The following TRPS1 variants were observed in gnomAD, a reference collection of about 807,000 sequenced individuals.
The protein encoded by TRPS1 is transcriptional repressor GATA binding 1.
In TRPS1, 6 loss-of-function variants were observed where a neutral mutation model predicts 101.2. That is an observed-to-expected ratio of 0.06 (90% CI 0.03 to 0.12). The LOEUF (loss-of-function observed/expected upper bound fraction) is 0.12. Among genes scored for constraint, TRPS1 ranks in the 10% least tolerant of loss-of-function variants. The pLI is 1.00. For synonymous variants in TRPS1, 578 were observed against 589.8 expected, an observed-to-expected ratio of 0.98 and a Z score of 0.29; for missense variants, 1,363 against 1,567.0, an observed-to-expected ratio of 0.87 and a Z score of 2.20.
At chr8:115,440,328 G>A (rs1377056516) in intron 5 of TRPS1, among the ~76,000 whole-genome samples, 1 of 152,202 alleles carries the variant, frequency 6.6e-6, no homozygotes, top group Non-Finnish European at 1.5e-5. Flanking sequence ...ACGCCAATAG[G>A]AAGACCGACT....
chr8:115,515,709 C>A (rs1287760795), intron 5 of TRPS1, among the ~76,000 whole-genome samples: 9 of 151,394 alleles, frequency 5.9e-5, no homozygotes, highest in Admixed American at 2.6e-4. Context: ...ATATGCATAA[C>A]TTAAGACCCA....
At chr8:115,436,783 T>C (rs1813464898) in intron 5 of TRPS1, among the ~76,000 whole-genome samples, 1 of 152,122 alleles carries the variant, frequency 6.6e-6, no homozygotes, top group African/African-American at 2.4e-5. Context: ...AGCTCCCAGT[T>C]TGAGTAACAA....
At chr8:115,476,041 C>T (rs1415991474) in intron 5 of TRPS1, among the ~76,000 whole-genome samples, 2 of 10,828 alleles carry the variant, frequency 1.8e-4, no homozygotes, top group East Asian at 0.014. Context: ...TTTTTTGAGA[C>T]GGAGTCTCGC....
chr8:115,549,844 C>A (rs947224992), intron 5 of TRPS1, among the ~76,000 whole-genome samples: 4 of 152,110 alleles, frequency 2.6e-5, no homozygotes, highest in African/African-American at 4.8e-5. Flanking sequence ...ATGGGCAATG[C>A]TGTCCTAGTA....
chr8:115,520,662 G>T (rs1306753114), intron 5 of TRPS1, among the ~76,000 whole-genome samples: 3 of 151,618 alleles, frequency 2.0e-5, no homozygotes, highest in African/African-American at 7.3e-5. Context: ...GCTCACAAAA[G>T]GATTATTTAA....
At chr8:115,585,409 G>A (rs982115909) in intron 5 of TRPS1, among the ~76,000 whole-genome samples, 4 of 152,050 alleles carry the variant, frequency 2.6e-5, no homozygotes, top group East Asian at 1.9e-4. Context: ...ACAATATGGT[G>A]TCAAATGAAG....
At chr8:115,620,207 A>C in intron 2 of TRPS1, 147 bp from the exon 3 acceptor site, 1 of 763,934 alleles carries the variant, frequency 1.3e-6, no homozygotes. Context: ...CCATTCTAAA[A>C]ACAGCAAAAA....
At chr8:115,653,650 A>T (rs1811612999) in intron 1 of TRPS1, among the ~76,000 whole-genome samples, 1 of 152,224 alleles carries the variant, frequency 6.6e-6, no homozygotes, top group Non-Finnish European at 1.5e-5. Context: ...AAGAAACATT[A>T]AAGAAACAAA....
intron 5 of TRPS1, among the ~76,000 whole-genome samples, chr8:115,573,552 A>C (rs571772990): frequency 3.0e-4 from 45 of 152,146 alleles, no homozygotes; most frequent in Non-Finnish European, 4.9e-4. Flanking sequence ...ATAGAGTAAG[A>C]GATCAGCCTA....
intron 1 of TRPS1, among the ~76,000 whole-genome samples, chr8:115,665,969 T>A (rs1170208833): frequency 1.3e-5 from 2 of 152,160 alleles, no homozygotes; most frequent in Admixed American, 1.3e-4. Flanking sequence ...AGCTCGCCAG[T>A]GGTAAATAAT....
At chr8:115,644,305 T>C (rs1443491852) in intron 1 of TRPS1, among the ~76,000 whole-genome samples, 2 of 152,236 alleles carry the variant, frequency 1.3e-5, no homozygotes, top group Admixed American at 6.5e-5. Context: ...CTAGATCTTC[T>C]GGATAATGTG....
At chr8:115,519,773 T>G (rs1815812356) in intron 5 of TRPS1, among the ~76,000 whole-genome samples, 1 of 151,688 alleles carries the variant, frequency 6.6e-6, no homozygotes, top group African/African-American at 2.4e-5. Context: ...TAAGTCTGTA[T>G]TTACTAAAAA....
Position 115,498,405 on chromosome 8 carries a change from CTCTCTCTCTCTATATATATATA to C in TRPS1, c.2701-79975_2701-79954del, listed in dbSNP as rs1172601282. On this transcript the variant is annotated intron_variant, in intron 5 of 6. Transcript: ENST00000395715. Reference sequence around the variant, plus strand: ...TCTCTCTCTCTCTCTCTCTCTCTCTCTCTCTCTCTCTATATATATATATATATATATATATATATATATATAG... The same window carrying C: ...TCTCTCTCTCTCTCTCTCTCTCTCTCTATATATATATATATATATATATAG... Among the ~76,000 whole-genome samples, 284 of 85,654 alleles carry C rather than the reference CTCTCTCTCTCTATATATATATA, an allele frequency of 3.3e-3. 4 individuals are homozygous for C. The highest frequency in any genetic ancestry group is 0.014 in the African/African-American group (266 of 18,442). 56.2% of individuals were successfully genotyped at this position (85,654 alleles called of 152,430 possible). A position where few individuals can be genotyped will look rare whatever the true frequency, so the allele number is the denominator to read the frequency against.
At chr8:115,492,795 C>G (rs1815060637) in intron 5 of TRPS1, among the ~76,000 whole-genome samples, 1 of 152,082 alleles carries the variant, frequency 6.6e-6, no homozygotes, top group South Asian at 2.1e-4. Context: ...CTCACTGCAA[C>G]CACCACCTCC....
At chr8:115,599,237 G>A (rs1026716567) in intron 4 of TRPS1, among the ~76,000 whole-genome samples, 8 of 152,046 alleles carry the variant, frequency 5.3e-5, no homozygotes, top group African/African-American at 1.9e-4. Context: ...TGTCTAATAT[G>A]TAGTTTAATC....
At chr8:115,529,564 T>C (rs1816081306) in intron 5 of TRPS1, among the ~76,000 whole-genome samples, 1 of 152,070 alleles carries the variant, frequency 6.6e-6, no homozygotes, top group Admixed American at 6.6e-5. Context: ...GCAGTAAACA[T>C]CTATGACTAC....
At chr8:115,575,839 T>C (rs1294851269) in intron 5 of TRPS1, among the ~76,000 whole-genome samples, 3 of 152,158 alleles carry the variant, frequency 2.0e-5, no homozygotes, top group Non-Finnish European at 4.4e-5. Context: ...AAACAGAGTT[T>C]GAATGATTCA....
intron 5 of TRPS1, among the ~76,000 whole-genome samples, chr8:115,506,534 A>T (rs1264793845): frequency 6.6e-6 from 1 of 152,102 alleles, no homozygotes; most frequent in Admixed American, 6.6e-5. Flanking sequence ...TGGCTCATAT[A>T]TATAAAGCAT....
chr8:115,608,413 T>C (rs1271184504), intron 3 of TRPS1, among the ~76,000 whole-genome samples: 1 of 152,244 alleles, frequency 6.6e-6, no homozygotes. Context: ...ATTGAAGAGG[T>C]AGACAACATC....
Sources: allele counts gnomAD v4.1 joint callset (sites outside exome capture counted in the v4.1 genomes callset), GRCh38; gene constraint gnomAD v4.1.1; transcripts MANE v1.5; gene names NCBI Gene and HGNC (gene_info 2026-07-23, HGNC 2026-07-21).